The following KCNJ16 variants were observed in gnomAD, a reference collection of about 807,000 sequenced individuals.
The protein encoded by KCNJ16 is inward rectifier potassium channel 16.
A neutral mutation model predicts 18.5 loss-of-function variants in KCNJ16; 15 were observed. The observed-to-expected ratio is 0.81, with a 90% confidence interval of 0.54 to 1.25. The LOEUF (loss-of-function observed/expected upper bound fraction) is 1.25, where lower values mean the gene tolerates loss of function less well. KCNJ16 is among the 50% of genes most tolerant of loss of function. KCNJ16 has a pLI of 0.00. For synonymous variants in KCNJ16, 174 were observed against 186.5 expected, an observed-to-expected ratio of 0.93 and a Z score of 0.55; for missense variants, 523 against 525.7, an observed-to-expected ratio of 0.99 and a Z score of 0.05.
chr17:70,079,639 C>T (rs2071464824), intron 1 of KCNJ16, among the ~76,000 whole-genome samples: 1 of 152,104 alleles, frequency 6.6e-6, no homozygotes, highest in African/African-American at 2.4e-5. Flanking sequence ...AATGGATCTG[C>T]CTAAAAATAC....
intron 1 of KCNJ16, among the ~76,000 whole-genome samples, chr17:70,084,826 C>CTAA (rs745941247): frequency 6.6e-5 from 10 of 152,066 alleles, no homozygotes; most frequent in Middle Eastern, 3.4e-3. Flanking sequence ...TCCTTGATCA[C>CTAA]TAATAATAAT....
intron 2 of KCNJ16, among the ~76,000 whole-genome samples, chr17:70,106,222 T>A (rs1442713360): frequency 1.3e-5 from 2 of 152,292 alleles, no homozygotes; most frequent in Non-Finnish European, 2.9e-5. Flanking sequence ...CAAAATTATT[T>A]TTTTTAAAAA....
At chr17:70,117,849 CA>C (rs1333417620) in intron 2 of KCNJ16, among the ~76,000 whole-genome samples, 5 of 152,092 alleles carry the variant, frequency 3.3e-5, no homozygotes, top group Admixed American at 6.6e-5. Context: ...ATCTAATCAA[CA>C]AAAAAGTTAA....
chr17:70,104,385 G>A (rs919973232), intron 2 of KCNJ16, among the ~76,000 whole-genome samples: 2 of 152,210 alleles, frequency 1.3e-5, no homozygotes, highest in Non-Finnish European at 2.9e-5. Context: ...TGTCCTTGGA[G>A]TCACTACTGA....
intron 1 of KCNJ16, among the ~76,000 whole-genome samples, chr17:70,092,837 A>G (rs2072187003): frequency 6.6e-6 from 1 of 152,170 alleles, no homozygotes; most frequent in South Asian, 2.1e-4. Flanking sequence ...ATCTCCAGAA[A>G]AAGGAAAAGA....
intron 2 of KCNJ16, among the ~76,000 whole-genome samples, chr17:70,102,944 C>G (rs1381198983): frequency 6.6e-6 from 1 of 150,724 alleles, no homozygotes; most frequent in African/African-American, 2.4e-5. Flanking sequence ...TTTTCCTTTC[C>G]TTTTTTTTGA....
At chr17:70,104,996 C>G (rs2143902361) in intron 2 of KCNJ16, 1 of 152,722 alleles carries the variant, frequency 6.5e-6, no homozygotes, top group African/African-American at 2.4e-5. Context: ...GAAAAGGGCC[C>G]TGAGATGCTC....
chr17:70,132,408 C>T lies in KCNJ16; in HGVS notation c.321C>T (p.Asp107=), dbSNP rs1224914174. The T allele has an allele frequency of 6.2e-7, 1 of 1,614,044 alleles. No homozygotes were observed. The highest frequency in any genetic ancestry group is 8.5e-7 in the Non-Finnish European group (1 of 1,180,016). ...FHHGDLLNDP[D]ITPCVDNVHS... ...ATGGCGATCTATTAAATGATCCAGA[C>T]ATCACACCTTGTGTTGACAACGTCC... Residue 107 remains aspartate (D), a synonymous_variant, in exon 4 of 4, where the codon GAC becomes GAT. Transcript: ENST00000392671.
At chr17:70,097,850 T>C (rs1035937523) in intron 1 of KCNJ16, among the ~76,000 whole-genome samples, 5 of 152,204 alleles carry the variant, frequency 3.3e-5, no homozygotes, top group Admixed American at 6.5e-5. Flanking sequence ...CTAATTATTG[T>C]TGATTCTGAC....
At chr17:70,127,399 G>C (rs999840155) in intron 2 of KCNJ16, among the ~76,000 whole-genome samples, 1 of 151,778 alleles carries the variant, frequency 6.6e-6, no homozygotes, top group Non-Finnish European at 1.5e-5. Flanking sequence ...GAATGTCTTA[G>C]GAGGATTCCA....
chr17:70,090,646 G>GCACAATACTGCTAACCCACT (rs2072041465), intron 1 of KCNJ16, among the ~76,000 whole-genome samples: 2 of 152,016 alleles, frequency 1.3e-5, no homozygotes, highest in East Asian at 3.9e-4. Flanking sequence ...ATGAAATAGT[G>GCACAATACTGCTAACCCACT]CACAATACCG....
At chr17:70,124,507 G>A (rs1031069853) in intron 2 of KCNJ16, among the ~76,000 whole-genome samples, 3 of 152,166 alleles carry the variant, frequency 2.0e-5, no homozygotes, top group Admixed American at 2.0e-4. Context: ...GGCTGTTGGG[G>A]GAAGTGGTTT....
chr17:70,119,102 C>A (rs148457210), intron 2 of KCNJ16, among the ~76,000 whole-genome samples: 11 of 152,326 alleles, frequency 7.2e-5, no homozygotes, highest in Admixed American at 2.0e-4. Context: ...GCAGGGCAGT[C>A]ATAAAATCTT....
At chr17:70,103,102 T>C (rs1346734858) in intron 2 of KCNJ16, among the ~76,000 whole-genome samples, 1 of 145,144 alleles carries the variant, frequency 6.9e-6, no homozygotes, top group African/African-American at 2.5e-5. Context: ...CCAGCTTATG[T>C]ATATTATATA....
intron 2 of KCNJ16, among the ~76,000 whole-genome samples, chr17:70,106,047 G>C (rs915321741): frequency 6.6e-5 from 10 of 152,110 alleles, no homozygotes; most frequent in Non-Finnish European, 1.0e-4. Flanking sequence ...GAAAATCCTT[G>C]ATCCAGTCTG....
chr17:70,092,868 T>C (rs1367838333), intron 1 of KCNJ16, among the ~76,000 whole-genome samples: 1 of 152,178 alleles, frequency 6.6e-6, no homozygotes, highest in African/African-American at 2.4e-5. Flanking sequence ...TCCTCCACCA[T>C]TTTGTTCCAT....
chr17:70,129,548 A>T (rs967950275), intron 2 of KCNJ16, among the ~76,000 whole-genome samples: 1 of 152,194 alleles, frequency 6.6e-6, no homozygotes, highest in African/African-American at 2.4e-5. Context: ...GTCTTTTAAA[A>T]AATGCGTTAT....
At chr17:70,115,602 A>G (rs1315937435) in intron 2 of KCNJ16, among the ~76,000 whole-genome samples, 5 of 152,200 alleles carry the variant, frequency 3.3e-5, no homozygotes, top group Non-Finnish European at 7.4e-5. Flanking sequence ...ACAGTTTAAT[A>G]TGGTTTGGAA....
Position 70,124,953 on chromosome 17 carries a change from T to C in KCNJ16, c.-190-5926T>C, listed in dbSNP as rs140891029. Among the ~76,000 whole-genome samples, 18 of 151,778 alleles carry C rather than the reference T, an allele frequency of 1.2e-4. No individual in the cohort carries two copies. In the East Asian group the frequency reaches 2.5e-3, roughly 21 times the overall value. Reference sequence around the variant, plus strand: ...ACAACAAGGAGCAGGGGATCTCCCATGTAGTGATGGTTGTAAAAAGAAAGG... The same window carrying C: ...ACAACAAGGAGCAGGGGATCTCCCACGTAGTGATGGTTGTAAAAAGAAAGG... On this transcript the variant is annotated intron_variant, in intron 2 of 3. Coordinates refer to ENST00000392671, the MANE Select transcript of KCNJ16 (RefSeq NM_170741.4).
Sources: allele counts gnomAD v4.1 joint callset (sites outside exome capture counted in the v4.1 genomes callset), GRCh38; gene constraint gnomAD v4.1.1; transcripts MANE v1.5; gene names NCBI Gene and HGNC (gene_info 2026-07-23, HGNC 2026-07-21).